Variants in SRSF4 observed in about 807,000 individuals in gnomAD.
SRSF4 encodes the protein serine and arginine rich splicing factor 4.
SRSF4 carries 12 observed loss-of-function variants against 48.8 expected under a neutral mutation model. That is an observed-to-expected ratio of 0.25 (90% CI 0.16 to 0.40). SRSF4 has a LOEUF of 0.40. SRSF4 is among the 10% of genes least tolerant of loss of function. The pLI is 1.00. For missense variants in SRSF4, 466 were observed against 667.1 expected (o/e 0.70, Z 3.32); for synonymous variants, 248 against 232.5 (o/e 1.07, Z -0.61).
chr1:29,157,833 T>C (rs771784197), intron 3 of SRSF4, among the ~76,000 whole-genome samples: 24 of 152,346 alleles, frequency 1.6e-4, no homozygotes, highest in Non-Finnish European at 3.4e-4. Flanking sequence ...ATTATGATAC[T>C]GCTCAGTAAG....
At chr1:29,155,568 C>T (rs950725562) in intron 3 of SRSF4, among the ~76,000 whole-genome samples, 3 of 152,188 alleles carry the variant, frequency 2.0e-5, no homozygotes, top group African/African-American at 7.2e-5. Flanking sequence ...CCTCGGCTCA[C>T]TGCAACCTCT....
intron 3 of SRSF4, among the ~76,000 whole-genome samples, chr1:29,158,864 G>A (rs1396964890): frequency 2.0e-5 from 3 of 152,214 alleles, no homozygotes; most frequent in East Asian, 3.9e-4. Flanking sequence ...GCTCACGCCT[G>A]TAATCCCAGC....
chr1:29,153,293 A>C (rs1166934765), intron 4 of SRSF4, among the ~76,000 whole-genome samples: 1 of 151,770 alleles, frequency 6.6e-6, no homozygotes, highest in Non-Finnish European at 1.5e-5. Flanking sequence ...GTGTGCCATC[A>C]TGCCTGGCTA....
chr1:29,176,500 A>G (rs940768693), intron 1 of SRSF4, among the ~76,000 whole-genome samples: 1 of 151,944 alleles, frequency 6.6e-6, no homozygotes, highest in Non-Finnish European at 1.5e-5. Context: ...AAAAAAAAAA[A>G]AAAGAAAAAA....
rs142551027 is a variant in SRSF4, at chr1:29,158,964, G to A, written c.363+410C>T. Among the ~76,000 whole-genome samples, 809 of 152,204 alleles carry A rather than the reference G, an allele frequency of 5.3e-3. 10 individuals are homozygous for A. Among genetic ancestry groups the A allele is most frequent in the African/African-American group, 0.019 (777 of 41,524 alleles). ...TACTAAAAATACAAAAAAATTACCCGGGCATGGTGGCGGGTGCCTGTAATC... is the reference window on the plus strand; with the variant it reads ...TACTAAAAATACAAAAAAATTACCCAGGCATGGTGGCGGGTGCCTGTAATC... On this transcript the variant is annotated intron_variant, in intron 3 of 5. Transcript: ENST00000373795.
At chr1:29,162,008 G>C (rs978489230) in intron 1 of SRSF4, among the ~76,000 whole-genome samples, 1 of 152,162 alleles carries the variant, frequency 6.6e-6, no homozygotes, top group Non-Finnish European at 1.5e-5. Flanking sequence ...GTCTCTCAAG[G>C]TGACAATGTG....
intron 1 of SRSF4, chr1:29,171,015 T>C (rs543430426): frequency 6.6e-6 from 1 of 152,222 alleles, no homozygotes; most frequent in Admixed American, 6.5e-5. Context: ...CCTCAAACTA[T>C]GGGCATACAA....
chr1:29,153,726 G>A (rs928331774), intron 4 of SRSF4, among the ~76,000 whole-genome samples: 1 of 151,678 alleles, frequency 6.6e-6, no homozygotes, highest in Non-Finnish European at 1.5e-5. Flanking sequence ...AGCCTCCCGA[G>A]TAGCTGGGAT....
intron 1 of SRSF4, among the ~76,000 whole-genome samples, chr1:29,168,076 C>T (rs576139807): frequency 2.6e-5 from 4 of 150,994 alleles, no homozygotes; most frequent in East Asian, 1.9e-4. Context: ...AGCGCAGCGG[C>T]GCGATCTCCA....
At position 29,156,855 on chromosome 1, in the gene SRSF4, G is replaced by C. The variant is rs191310564; in HGVS notation, c.364-1945C>G. 7.9e-5 allele frequency among the ~76,000 whole-genome samples: 12 copies of C among 152,322 alleles called. No homozygotes were observed. In the East Asian group the frequency reaches 2.1e-3, roughly 27 times the overall value. ...CCAGGGGGCCAATTGCAAAATGGAG[G>C]CTGCAAAAGGCTCAGAGTTCTGGTC... On this transcript the variant is annotated intron_variant, in intron 3 of 5. Transcript: ENST00000373795.
At chr1:29,177,758 C>T (rs548069339) in intron 1 of SRSF4, among the ~76,000 whole-genome samples, 5 of 152,222 alleles carry the variant, frequency 3.3e-5, no homozygotes, top group South Asian at 2.1e-4. Flanking sequence ...TGTAATAAAA[C>T]GGTAGGCAAT....
intron 4 of SRSF4, among the ~76,000 whole-genome samples, chr1:29,151,950 T>C (rs573227743): frequency 6.6e-6 from 1 of 152,308 alleles, no homozygotes; most frequent in African/African-American, 2.4e-5. Context: ...CTTTCAACTT[T>C]TGTTTGAAGA....
At chr1:29,164,433 C>G (rs754801885) in intron 1 of SRSF4, among the ~76,000 whole-genome samples, 25 of 152,222 alleles carry the variant, frequency 1.6e-4, no homozygotes, top group Non-Finnish European at 2.4e-4. Flanking sequence ...TCTCTTTTCT[C>G]AGAAAGCAAT....
chr1:29,170,731 G>C (rs1212243062), intron 1 of SRSF4: 3 of 152,040 alleles, frequency 2.0e-5, no homozygotes, highest in African/African-American at 4.8e-5. Context: ...TGTGGTTCCT[G>C]ACTCCCTTGC....
At position 29,148,854 on chromosome 1, in the gene SRSF4, G is replaced by T. The variant is rs1672352410; in HGVS notation, c.1041C>A (p.Arg347=). 1 of 1,609,656 alleles carries T rather than the reference G, an allele frequency of 6.2e-7. No homozygotes were observed. The highest frequency in any genetic ancestry group is 1.1e-5 in the South Asian group (1 of 90,890). ...CCTTCCTCTTGTCCTTGCTCTTGCT[G>T]CGGCTCCTGCTCCGGCTCCTGCTGC... The part of the protein sequence containing the change: ...KGGSRSRSRS[R]SKSKDKRKGR... The change falls in exon 6 of 6, where the codon CGC becomes CGA. Residue 347 remains arginine, a synonymous_variant. Coordinates refer to ENST00000373795, the MANE Select transcript of SRSF4 (RefSeq NM_005626.5).
Position 29,148,403 on chromosome 1 carries a change from T to C in SRSF4, c.*7A>G, listed in dbSNP as rs777259878. 1.3e-6 allele frequency: 2 copies of C among 1,580,170 alleles called. No individual in the cohort carries two copies. Among genetic ancestry groups the C allele is most frequent in the South Asian group, 2.3e-5 (2 of 85,130 alleles). On this transcript the variant is annotated 3_prime_UTR_variant, in exon 6 of 6. Coordinates refer to ENST00000373795, the MANE Select transcript of SRSF4 (RefSeq NM_005626.5). The stretch of plus-strand genomic sequence containing the variant: ...TCTCGGGTAGTTCCAGCTGTGGCCA[T>C]AGCCAGTTAGGACCTTGAGTGGGAC...
At chr1:29,155,639 G>A (rs960344454) in intron 3 of SRSF4, among the ~76,000 whole-genome samples, 45 of 152,078 alleles carry the variant, frequency 3.0e-4, no homozygotes, top group Middle Eastern at 3.4e-3. Context: ...CTGCAGGTCC[G>A]CGCCACCATA....
In SRSF4 at chr1:29,147,998, T is replaced by TA. The variant is rs1177255575; in HGVS notation, c.*411dup. On this transcript the variant is annotated 3_prime_UTR_variant, in exon 6 of 6. Coordinates refer to ENST00000373795, the MANE Select transcript of SRSF4 (RefSeq NM_005626.5). ...TATGAAACCAAAGTGGTAGGAAACT[T>TA]AAGACTTAGCACTTTCACTAAATGG... is the stretch of plus-strand genomic sequence containing the variant. The TA allele has an allele frequency of 2.2e-6, 1 of 444,830 alleles. No homozygotes were observed. Among genetic ancestry groups the TA allele is most frequent in the Non-Finnish European group, 4.6e-6 (1 of 219,442 alleles). The allele number at this position is 444,830 out of a possible 1,614,324, so 27.6% of individuals were successfully genotyped here.
intron 4 of SRSF4, among the ~76,000 whole-genome samples, chr1:29,151,931 T>A (rs1185549219): frequency 6.6e-6 from 1 of 152,228 alleles, no homozygotes. Flanking sequence ...CAGGTGTTCA[T>A]TAACTATTCT....
Sources: allele counts gnomAD v4.1 joint callset (sites outside exome capture counted in the v4.1 genomes callset), GRCh38; gene constraint gnomAD v4.1.1; transcripts MANE v1.5; gene names NCBI Gene and HGNC (gene_info 2026-07-23, HGNC 2026-07-21).